The following GALNT17 variants were observed in gnomAD, a reference collection of about 807,000 sequenced individuals.
GALNT17 encodes UDP-GalNAc:polypeptide N-acetylgalactosaminyltransferase-like 3.
In GALNT17, 29 loss-of-function variants were observed where a neutral mutation model predicts 63.7. That is an observed-to-expected ratio of 0.46 (90% CI 0.34 to 0.62). The LOEUF is 0.62. Among genes scored for constraint, GALNT17 ranks in the 20% least tolerant of loss-of-function variants. The pLI is 0.01. For synonymous variants in GALNT17, 305 were observed against 318.3 expected, an observed-to-expected ratio of 0.96 and a Z score of 0.45; for missense variants, 603 against 799.6, an observed-to-expected ratio of 0.75 and a Z score of 2.97.
In GALNT17 at chr7:71,671,300, C is replaced by T. The variant is rs138936303; in HGVS notation, c.1404+1191C>T. On this transcript the variant is annotated intron_variant, in intron 8 of 10. Coordinates refer to ENST00000333538, the MANE Select transcript of GALNT17 (RefSeq NM_022479.3). The stretch of plus-strand genomic sequence containing the variant: ...GTGCTCTCAATTTGGCTGAGACACC[C>T]CATTAGCTCTGCAATCGGGTTTTCT... Among the ~76,000 whole-genome samples, 723 of 152,274 alleles carry T rather than the reference C, an allele frequency of 4.7e-3. 9 individuals carry two copies. Among genetic ancestry groups the T allele is most frequent in the African/African-American group, 0.016 (684 of 41,562 alleles).
intron 1 of GALNT17, among the ~76,000 whole-genome samples, chr7:71,175,438 C>T (rs1788620972): frequency 6.6e-6 from 1 of 152,192 alleles, no homozygotes; most frequent in African/African-American, 2.4e-5. Context: ...TCTTATCTAT[C>T]TATCATCTAT....
At chr7:71,674,246 T>A in intron 8 of GALNT17, among the ~76,000 whole-genome samples, 1 of 152,098 alleles carries the variant, frequency 6.6e-6, no homozygotes, top group East Asian at 1.9e-4. Flanking sequence ...TTCTACCTGC[T>A]GAGTATCACC....
At chr7:71,297,774 A>G (rs2115858232) in intron 1 of GALNT17, among the ~76,000 whole-genome samples, 1 of 152,374 alleles carries the variant, frequency 6.6e-6, no homozygotes, top group East Asian at 1.9e-4. Context: ...AACTACTGGT[A>G]TATGCAGCAG....
intron 1 of GALNT17, among the ~76,000 whole-genome samples, chr7:71,295,482 C>T (rs1791061298): frequency 6.6e-6 from 1 of 151,604 alleles, no homozygotes; most frequent in African/African-American, 2.4e-5. Context: ...TTGTTTCTTC[C>T]ATCCTTTCTC....
chr7:71,633,596 G>A (rs949932264), intron 6 of GALNT17, among the ~76,000 whole-genome samples: 2 of 152,130 alleles, frequency 1.3e-5, no homozygotes, highest in African/African-American at 4.8e-5. Flanking sequence ...TGTTCTCTCT[G>A]CTAATCTTCA....
At chr7:71,216,448 T>C (rs143770249) in intron 1 of GALNT17, among the ~76,000 whole-genome samples, 2 of 152,264 alleles carry the variant, frequency 1.3e-5, no homozygotes, top group African/African-American at 4.8e-5. Flanking sequence ...GTGACTCAGA[T>C]ACATTCAACT....
At chr7:71,484,518 G>A (rs1277273047) in intron 5 of GALNT17, among the ~76,000 whole-genome samples, 1 of 152,140 alleles carries the variant, frequency 6.6e-6, no homozygotes, top group Non-Finnish European at 1.5e-5. Flanking sequence ...GGACATAATT[G>A]TATGTGTGAT....
chr7:71,508,664 C>T (rs115328692), intron 5 of GALNT17, among the ~76,000 whole-genome samples: 3,846 of 152,178 alleles, frequency 0.025, 60 homozygotes, highest in African/African-American at 0.038. Flanking sequence ...CTGAGGAACC[C>T]AGGTGCTCCA....
chr7:71,659,582 C>T (rs905464844), intron 6 of GALNT17, among the ~76,000 whole-genome samples: 12 of 152,208 alleles, frequency 7.9e-5, no homozygotes, highest in African/African-American at 2.9e-4. Flanking sequence ...AAAGTGCAAG[C>T]CGCAAAGTCT....
At chr7:71,372,373 C>A (rs1399941811) in intron 2 of GALNT17, among the ~76,000 whole-genome samples, 2 of 152,094 alleles carry the variant, frequency 1.3e-5, no homozygotes, top group Non-Finnish European at 2.9e-5. Context: ...CCATGTTGGA[C>A]AGGCTGGTCT....
Position 71,261,047 on chromosome 7 carries a change from C to T in GALNT17, c.239-74503C>T, listed in dbSNP as rs115940749. ...AGCTGACTTCGCAGTGCAGGGATTC[C>T]CCTATGTGTGCACTTTGGAAGCCCT... is the stretch of plus-strand genomic sequence containing the variant. On this transcript the variant is annotated intron_variant, in intron 1 of 10. Coordinates refer to ENST00000333538, the MANE Select transcript of GALNT17 (RefSeq NM_022479.3). Among the ~76,000 whole-genome samples the T allele has an allele frequency of 7.7e-3, 1,166 of 152,302 alleles. 16 individuals are homozygous for T. The highest frequency in any genetic ancestry group is 0.026 in the African/African-American group (1,066 of 41,550).
At chr7:71,201,914 T>G (rs915634561) in intron 1 of GALNT17, among the ~76,000 whole-genome samples, 1 of 152,236 alleles carries the variant, frequency 6.6e-6, no homozygotes, top group African/African-American at 2.4e-5. Flanking sequence ...ATTACAGGCG[T>G]GAGCCACTGC....
intron 1 of GALNT17, among the ~76,000 whole-genome samples, chr7:71,240,769 A>G (rs1300097915): frequency 1.3e-5 from 2 of 149,656 alleles, no homozygotes; most frequent in East Asian, 2.0e-4. Context: ...GGTTCACGCC[A>G]TTCTCCTGCC....
intron 5 of GALNT17, among the ~76,000 whole-genome samples, chr7:71,431,948 G>T (rs1786874543): frequency 6.6e-6 from 1 of 152,112 alleles, no homozygotes; most frequent in South Asian, 2.1e-4. Context: ...GCCAAGGCAG[G>T]TGGATCACCT....
intron 1 of GALNT17, among the ~76,000 whole-genome samples, chr7:71,287,883 C>G (rs1790903099): frequency 6.6e-6 from 1 of 151,942 alleles, no homozygotes; most frequent in Admixed American, 6.6e-5. Flanking sequence ...GAAACCCCAT[C>G]TCCACTAAAA....
At chr7:71,149,332 A>G (rs182428947) in intron 1 of GALNT17, among the ~76,000 whole-genome samples, 2 of 152,310 alleles carry the variant, frequency 1.3e-5, no homozygotes, top group African/African-American at 2.4e-5. Context: ...GAGGAAGATG[A>G]AACTAAGGGA....
intron 5 of GALNT17, among the ~76,000 whole-genome samples, chr7:71,431,301 C>G (rs1029775923): frequency 1.3e-5 from 2 of 150,664 alleles, no homozygotes; most frequent in African/African-American, 4.9e-5. Flanking sequence ...ACCTCCACCT[C>G]CCGGGTTCAA....
At chr7:71,134,835 GTTTTTTTTTTTTTTT>G (rs561383417) in intron 1 of GALNT17, among the ~76,000 whole-genome samples, 5 of 57,888 alleles carry the variant, frequency 8.6e-5, no homozygotes, top group South Asian at 2.0e-3. Context: ...TTGTTTTATG[GTTTTTTTTTTTTTTT>G]TTTTTTTTTT....
rs557636281 is a variant in GALNT17 at position 71,611,286 on chromosome 7, C to G, written c.1080+39884C>G. ...CCTCTACTGTCTGATTGAAATCTGT[C>G]CTCTGGGGTGGGCACTCAAGGCCCA... On this transcript the variant is annotated intron_variant, in intron 6 of 10. Coordinates refer to ENST00000333538, the MANE Select transcript of GALNT17 (RefSeq NM_022479.3). 3.3e-5 allele frequency among the ~76,000 whole-genome samples: 5 copies of G among 152,226 alleles called. No individual in the cohort carries two copies. The East Asian group carries it at 9.7e-4, about 30-fold the overall frequency.
Sources: gnomAD v4.1 joint callset for allele counts (sites outside exome capture counted in the v4.1 genomes callset) on GRCh38, gnomAD v4.1.1 for gene constraint, MANE v1.5 for transcripts, NCBI Gene and HGNC (gene_info 2026-07-23, HGNC 2026-07-21) for gene names.